The following RIMS2 variants were observed in gnomAD, a reference collection of about 807,000 sequenced individuals.
RIMS2 encodes the protein regulating synaptic membrane exocytosis 2, also known as regulating synaptic membrane exocytosis protein 2.
RIMS2 carries 59 observed loss-of-function variants against 174.4 expected under a neutral mutation model. The observed-to-expected ratio is 0.34, with a 90% CI of 0.27 to 0.42. The LOEUF (loss-of-function observed/expected upper bound fraction) is 0.42, where lower values mean the gene tolerates loss of function less well. RIMS2 is among the 10% of genes least tolerant of loss of function. The pLI is 1.00. For missense variants in RIMS2, 1,620 were observed against 1,666.3 expected, an observed-to-expected ratio of 0.97 and a Z score of 0.48; for synonymous variants, 606 against 572.5, an observed-to-expected ratio of 1.06 and a Z score of -0.84.
At chr8:103,839,127 T>C (rs562697395) in intron 3 of RIMS2, among the ~76,000 whole-genome samples, 21 of 152,318 alleles carry the variant, frequency 1.4e-4, no homozygotes, top group Admixed American at 4.6e-4. Flanking sequence ...TATCCACTTT[T>C]CCACGAAATC....
intron 1 of RIMS2, among the ~76,000 whole-genome samples, chr8:103,623,268 C>T (rs1353059406): frequency 6.6e-6 from 1 of 152,052 alleles, no homozygotes; most frequent in Non-Finnish European, 1.5e-5. Context: ...ATGGGGAGTA[C>T]AATAGCTACC....
chr8:103,906,698 A>G (rs1015736816), intron 4 of RIMS2, among the ~76,000 whole-genome samples: 28 of 152,106 alleles, frequency 1.8e-4, no homozygotes, highest in African/African-American at 6.8e-4. Context: ...TTTGAGCTGA[A>G]TTTTCTTACT....
chr8:104,166,676 G>A (rs1294100402), intron 19 of RIMS2, among the ~76,000 whole-genome samples: 1 of 151,710 alleles, frequency 6.6e-6, no homozygotes, highest in Non-Finnish European at 1.5e-5. Flanking sequence ...CAAGCATAGA[G>A]TATAAGAGAT....
intron 9 of RIMS2, 55 bp downstream of exon 12, chr8:103,918,542 A>C: frequency 1.0e-5 from 12 of 1,181,054 alleles, no homozygotes; most frequent in Non-Finnish European, 1.5e-5. Flanking sequence ...TTCATCAGAG[A>C]TCAGATGAAG....
chr8:103,936,974 T>G lies in RIMS2; in HGVS notation c.2547+252T>G, dbSNP rs188972893. Among the ~76,000 whole-genome samples, 1,121 of 151,928 alleles carry G rather than the reference T, an allele frequency of 7.4e-3. 23 individuals are homozygous for G. Among genetic ancestry groups the G allele is most frequent in the African/African-American group, 0.026 (1,057 of 41,418 alleles). ...TTAGCCGGGCATGGTGGTGGGCGCC[T>G]GTAGTCCCAGCTACTCGGGAGGCTG... is the stretch of plus-strand genomic sequence containing the variant. On this transcript the variant is annotated intron_variant, in intron 13 of 23. Coordinates refer to ENST00000504942, the Ensembl canonical transcript of RIMS2.
chr8:103,907,660 C>T (rs1197910032), intron 4 of RIMS2, among the ~76,000 whole-genome samples: 4 of 151,978 alleles, frequency 2.6e-5, no homozygotes, highest in African/African-American at 4.8e-5. Flanking sequence ...ATCTCACATA[C>T]TCCTGTCTAT....
At chr8:103,527,319 T>C (rs1325109145) in intron 1 of RIMS2, among the ~76,000 whole-genome samples, 2 of 152,312 alleles carry the variant, frequency 1.3e-5, no homozygotes, top group South Asian at 2.1e-4. Flanking sequence ...TGGATGCTCA[T>C]GTTTCTAATA....
intron 19 of RIMS2, among the ~76,000 whole-genome samples, chr8:104,159,650 T>C (rs187345834): frequency 1.3e-5 from 2 of 152,238 alleles, no homozygotes; most frequent in East Asian, 3.9e-4. Context: ...CTCATTGTGG[T>C]TTGGATTTGC....
chr8:104,085,653 A>T (rs2097524929), intron 19 of RIMS2, among the ~76,000 whole-genome samples: 1 of 152,210 alleles, frequency 6.6e-6, no homozygotes, highest in South Asian at 2.1e-4. Context: ...ATAACCCCCG[A>T]TAGCTAAATA....
At chr8:104,145,385 T>G (rs1035463893) in intron 19 of RIMS2, among the ~76,000 whole-genome samples, 1 of 152,158 alleles carries the variant, frequency 6.6e-6, no homozygotes, top group African/African-American at 2.4e-5. Flanking sequence ...AAATTACTAA[T>G]GTAATACGTC....
intron 1 of RIMS2, among the ~76,000 whole-genome samples, chr8:103,676,924 C>T (rs2096822512): frequency 6.6e-6 from 1 of 152,150 alleles, no homozygotes; most frequent in South Asian, 2.1e-4. Flanking sequence ...GCAGAGGTTG[C>T]AGTGAGCTGA....
intron 17 of RIMS2, among the ~76,000 whole-genome samples, chr8:104,001,621 T>C (rs2095392514): frequency 6.6e-6 from 1 of 151,936 alleles, no homozygotes; most frequent in Admixed American, 6.6e-5. Flanking sequence ...TTTTTTATCT[T>C]TTTTAAGGGA....
At chr8:103,640,631 T>A (rs1246924153) in intron 1 of RIMS2, among the ~76,000 whole-genome samples, 3 of 152,094 alleles carry the variant, frequency 2.0e-5, no homozygotes, top group Non-Finnish European at 4.4e-5. Flanking sequence ...TTTAGAAGCA[T>A]ATGGTTTAAT....
intron 1 of RIMS2, among the ~76,000 whole-genome samples, chr8:103,530,849 G>A (rs866555954): frequency 2.6e-5 from 4 of 151,944 alleles, no homozygotes; most frequent in Non-Finnish European, 4.4e-5. Flanking sequence ...TGACTGGGAG[G>A]CAGGGGCTAG....
At chr8:103,942,739 TA>T in intron 13 of RIMS2, 33 bp from the exon 16 acceptor site, 1 of 1,477,338 alleles carries the variant, frequency 6.8e-7, no homozygotes. Flanking sequence ...ATTATTGGTA[TA>T]TTATAACCGT....
chr8:103,567,065 A>G (rs1030092596), intron 1 of RIMS2, among the ~76,000 whole-genome samples: 1 of 152,172 alleles, frequency 6.6e-6, no homozygotes, highest in African/African-American at 2.4e-5. Flanking sequence ...GAGATTTCAT[A>G]TAAACAGAAC....
At chr8:103,624,522 T>G (rs1239733389) in intron 1 of RIMS2, among the ~76,000 whole-genome samples, 3 of 152,178 alleles carry the variant, frequency 2.0e-5, no homozygotes, top group Non-Finnish European at 4.4e-5. Context: ...TAACTCTCCC[T>G]TTATATATAT....
intron 1 of RIMS2, among the ~76,000 whole-genome samples, chr8:103,599,539 G>T (rs1223809878): frequency 6.6e-6 from 1 of 151,326 alleles, no homozygotes; most frequent in Non-Finnish European, 1.5e-5. Flanking sequence ...CCTGGGCTCA[G>T]GTGATCCTCC....
intron 1 of RIMS2, among the ~76,000 whole-genome samples, chr8:103,605,270 G>T (rs1334276530): frequency 7.0e-6 from 1 of 142,208 alleles, no homozygotes. Flanking sequence ...TGTGGTTTTT[G>T]TCTTTGGCTC....
Sources: gnomAD v4.1 joint callset for allele counts (sites outside exome capture counted in the v4.1 genomes callset) on GRCh38, gnomAD v4.1.1 for gene constraint, MANE v1.5 for transcripts, NCBI Gene and HGNC (gene_info 2026-07-23, HGNC 2026-07-21) for gene names.